Variants in DLGAP2 observed in about 807,000 individuals in gnomAD.
The protein encoded by DLGAP2 is disks large-associated protein 2.
A neutral mutation model predicts 100.3 loss-of-function variants in DLGAP2; 26 were observed. That is an observed-to-expected ratio of 0.26 (90% confidence interval 0.19 to 0.36). The LOEUF (loss-of-function observed/expected upper bound fraction) is 0.36, where lower values mean the gene tolerates loss of function less well. DLGAP2 is among the 10% of genes least tolerant of loss of function. The pLI, the probability that DLGAP2 is intolerant of heterozygous loss-of-function variation, is 1.00. For synonymous variants in DLGAP2, 886 were observed against 630.1 expected, an observed-to-expected ratio of 1.41 and a Z score of -6.08; for missense variants, 1,858 against 1,453.2, an observed-to-expected ratio of 1.28 and a Z score of -4.53.
In DLGAP2 at chr8:1,189,541, G is replaced by A. The variant is rs550061184; in HGVS notation, c.74-69310G>A. Among the ~76,000 whole-genome samples the A allele has an allele frequency of 8.4e-4, 128 of 152,280 alleles. No homozygotes were observed. In the South Asian group the frequency reaches 0.016, roughly 19 times the overall value. Reference sequence around the variant, plus strand: ...ACACTTTAAGGATTATGAATTCACAGCATTTGGTTAGGGAAAGACCAGCTT... The same window carrying A: ...ACACTTTAAGGATTATGAATTCACAACATTTGGTTAGGGAAAGACCAGCTT... On this transcript the variant is annotated intron_variant, in intron 2 of 14. Coordinates refer to ENST00000637795, the MANE Select transcript of DLGAP2 (RefSeq NM_001346810.2).
intron 1 of DLGAP2, among the ~76,000 whole-genome samples, chr8:898,823 T>G (rs1416828907): frequency 6.6e-6 from 1 of 152,210 alleles, no homozygotes; most frequent in Non-Finnish European, 1.5e-5. Flanking sequence ...AAATGGAGTT[T>G]CAGCTGCAGC....
At chr8:1,071,441 C>T (rs1803428274) in intron 2 of DLGAP2, among the ~76,000 whole-genome samples, 1 of 152,152 alleles carries the variant, frequency 6.6e-6, no homozygotes, top group South Asian at 2.1e-4. Context: ...CTGTGCTAGC[C>T]TAGGCTGGGG....
chr8:1,187,095 A>G (rs369006129), intron 2 of DLGAP2, among the ~76,000 whole-genome samples: 7 of 152,234 alleles, frequency 4.6e-5, no homozygotes, highest in East Asian at 3.9e-4. Context: ...AGATGCATCA[A>G]TACGTTCAAA....
At chr8:1,236,317 C>T (rs1479017788) in intron 2 of DLGAP2, among the ~76,000 whole-genome samples, 1 of 54,482 alleles carries the variant, frequency 1.8e-5, no homozygotes, top group South Asian at 5.8e-4. Context: ...CACATGGCGC[C>T]GTGTCTGGTT....
chr8:909,595 T>C (rs867365870), intron 2 of DLGAP2, among the ~76,000 whole-genome samples: 2 of 152,166 alleles, frequency 1.3e-5, no homozygotes, highest in African/African-American at 4.8e-5. Flanking sequence ...AGAGCTGCCT[T>C]CCACTGGGGC....
chr8:842,276 C>T (rs1390453423), intron 1 of DLGAP2, among the ~76,000 whole-genome samples: 2 of 152,174 alleles, frequency 1.3e-5, no homozygotes, highest in African/African-American at 2.4e-5. Context: ...AGCGATTGTA[C>T]GTTGCTGTCA....
chr8:1,627,538 A>G (rs1486564283), intron 7 of DLGAP2, among the ~76,000 whole-genome samples: 3 of 152,258 alleles, frequency 2.0e-5, no homozygotes, highest in Non-Finnish European at 4.4e-5. Context: ...ATCATCCTAT[A>G]TTACATGGCA....
intron 4 of DLGAP2, among the ~76,000 whole-genome samples, chr8:1,516,570 A>C (rs1469995277): frequency 1.3e-5 from 2 of 150,300 alleles, no homozygotes; most frequent in African/African-American, 4.9e-5. Context: ...TGAGGGAGGG[A>C]GGGCGTGAAT....
At position 1,215,994 on chromosome 8, in the gene DLGAP2, A is replaced by G. The variant is rs541012298; in HGVS notation, c.74-42857A>G. 1.7e-3 allele frequency among the ~76,000 whole-genome samples: 256 copies of G among 150,070 alleles called. 1 individual carries two copies. Among genetic ancestry groups the G allele is most frequent in the Non-Finnish European group, 2.6e-3 (178 of 67,326 alleles). Reference sequence around the variant, plus strand: ...AGGTACCTCGATGGGTTCATTAGGCACATCACCTGGAGACGTCTAGGCTCA... The same window carrying G: ...AGGTACCTCGATGGGTTCATTAGGCGCATCACCTGGAGACGTCTAGGCTCA... On this transcript the variant is annotated intron_variant, in intron 2 of 14. Coordinates refer to ENST00000637795, the MANE Select transcript of DLGAP2 (RefSeq NM_001346810.2).
intron 3 of DLGAP2, among the ~76,000 whole-genome samples, chr8:1,448,771 C>T (rs1035209715): frequency 1.3e-5 from 2 of 152,162 alleles, no homozygotes; most frequent in Non-Finnish European, 2.9e-5. Context: ...CATTCCCGTT[C>T]CCCTCACTGC....
intron 6 of DLGAP2, among the ~76,000 whole-genome samples, chr8:1,594,750 T>C (rs1358148080): frequency 6.6e-6 from 1 of 152,138 alleles, no homozygotes; most frequent in African/African-American, 2.4e-5. Flanking sequence ...TAATGACTAA[T>C]AGAACTAGAG....
At chr8:1,699,105 C>T (rs1346638604) in intron 14 of DLGAP2, among the ~76,000 whole-genome samples, 1 of 152,238 alleles carries the variant, frequency 6.6e-6, no homozygotes, top group Non-Finnish European at 1.5e-5. Flanking sequence ...ACGGAACGTA[C>T]TGAAGTTAGC....
At chr8:1,383,316 T>C (rs1426490809) in intron 3 of DLGAP2, among the ~76,000 whole-genome samples, 1 of 152,230 alleles carries the variant, frequency 6.6e-6, no homozygotes, top group Non-Finnish European at 1.5e-5. Flanking sequence ...GGAAAAGGTG[T>C]TGGAAAAGTG....
At chr8:1,243,856 A>G (rs1397493947) in intron 2 of DLGAP2, among the ~76,000 whole-genome samples, 1 of 152,174 alleles carries the variant, frequency 6.6e-6, no homozygotes, top group Non-Finnish European at 1.5e-5. Context: ...GCCCCTGAGT[A>G]ACCTCACTAT....
chr8:1,038,415 A>G (rs551268669), intron 2 of DLGAP2, among the ~76,000 whole-genome samples: 1 of 152,328 alleles, frequency 6.6e-6, no homozygotes, highest in Admixed American at 6.5e-5. Context: ...GAAGTCCAGG[A>G]AACAAGAAAA....
intron 2 of DLGAP2, among the ~76,000 whole-genome samples, chr8:1,088,022 G>T (rs1804034100): frequency 6.6e-6 from 1 of 152,202 alleles, no homozygotes; most frequent in Admixed American, 6.5e-5. Context: ...CACAGCTCTG[G>T]GTCCCTTCCC....
chr8:871,053 A>T (rs538293808), intron 1 of DLGAP2, among the ~76,000 whole-genome samples: 17 of 152,228 alleles, frequency 1.1e-4, no homozygotes, highest in Non-Finnish European at 2.4e-4. Flanking sequence ...ACCTTCCCTG[A>T]GATGTTCTGT....
At chr8:1,107,971 A>C (rs1166307419) in intron 2 of DLGAP2, among the ~76,000 whole-genome samples, 1 of 152,192 alleles carries the variant, frequency 6.6e-6, no homozygotes, top group African/African-American at 2.4e-5. Context: ...TCCTTCCTGA[A>C]GCGCCTGAAG....
At chr8:967,517 T>C (rs11997818) in intron 2 of DLGAP2, among the ~76,000 whole-genome samples, 3,430 of 151,846 alleles carry the variant, frequency 0.023, 127 homozygotes, top group African/African-American at 0.077. Context: ...AATAGTTGTA[T>C]GGAAAGATAA....
Sources: gnomAD v4.1 joint callset for allele counts (sites outside exome capture counted in the v4.1 genomes callset) on GRCh38, gnomAD v4.1.1 for gene constraint, MANE v1.5 for transcripts, NCBI Gene and HGNC (gene_info 2026-07-23, HGNC 2026-07-21) for gene names.